The following SLC7A7 variants were observed in gnomAD, a reference collection of about 807,000 sequenced individuals.
SLC7A7 encodes the protein Y+L amino acid transporter 1.
Under a neutral mutation model 47.9 loss-of-function variants are expected in SLC7A7, and 39 were observed. That is an observed-to-expected ratio of 0.81 (90% CI 0.63 to 1.06). The LOEUF (loss-of-function observed/expected upper bound fraction) is 1.06. SLC7A7 is among the 50% of genes least tolerant of loss of function. SLC7A7 has a pLI of 0.00. For missense variants in SLC7A7, 588 were observed against 632.0 expected, an observed-to-expected ratio of 0.93 and a Z score of 0.75; for synonymous variants, 234 against 242.8, an observed-to-expected ratio of 0.96 and a Z score of 0.34.
At chr14:22,814,459 G>A (rs2039375934) in intron 1 of SLC7A7, among the ~76,000 whole-genome samples, 1 of 151,778 alleles carries the variant, frequency 6.6e-6, no homozygotes, top group Non-Finnish European at 1.5e-5. Context: ...ACTCCAGCCT[G>A]GGCAACAAGA....
chr14:22,816,744 G>A (rs1452870723), upstream of SLC7A7, among the ~76,000 whole-genome samples: 1 of 151,926 alleles, frequency 6.6e-6, no homozygotes, highest in Non-Finnish European at 1.5e-5. Flanking sequence ...AACCCTCTTT[G>A]GTTATTCTAC....
At chr14:22,801,311 T>C (rs534622955) in intron 2 of SLC7A7, among the ~76,000 whole-genome samples, 1 of 152,282 alleles carries the variant, frequency 6.6e-6, no homozygotes, top group Admixed American at 6.5e-5. Flanking sequence ...TAGGTTTTCA[T>C]ACATTCTGTT....
intron 4 of SLC7A7, among the ~76,000 whole-genome samples, 194 bp from the exon 5 acceptor site, chr14:22,776,512 T>C (rs984747718): frequency 3.3e-5 from 5 of 152,052 alleles, no homozygotes; most frequent in African/African-American, 1.2e-4. Flanking sequence ...TAAAGAACAT[T>C]AGGGGAAAGG....
At chr14:22,779,471 G>A (rs78324567) in intron 3 of SLC7A7, among the ~76,000 whole-genome samples, 60 of 151,010 alleles carry the variant, frequency 4.0e-4, no homozygotes, top group Non-Finnish European at 7.5e-4. Flanking sequence ...TTTTTTGGGG[G>A]GGGGACAGAG....
At chr14:22,793,551 C>G (rs1326685825) in intron 2 of SLC7A7, among the ~76,000 whole-genome samples, 1 of 152,110 alleles carries the variant, frequency 6.6e-6, no homozygotes, top group Non-Finnish European at 1.5e-5. Context: ...GTGGCTCATG[C>G]CTGTAATCCC....
intron 2 of SLC7A7, among the ~76,000 whole-genome samples, chr14:22,807,121 A>G (rs902679398): frequency 3.3e-5 from 5 of 151,988 alleles, no homozygotes; most frequent in Admixed American, 6.6e-5. Context: ...GGATGGTCTC[A>G]ATCTCCTGAC....
intron 2 of SLC7A7, among the ~76,000 whole-genome samples, chr14:22,788,135 C>T (rs928158004): frequency 6.6e-6 from 1 of 152,126 alleles, no homozygotes; most frequent in African/African-American, 2.4e-5. Context: ...TCACTGTAGA[C>T]CTTTCTGTAT....
chr14:22,818,178 G>A (rs757773289), upstream of SLC7A7, among the ~76,000 whole-genome samples: 24 of 152,154 alleles, frequency 1.6e-4, no homozygotes, highest in Non-Finnish European at 3.1e-4. Flanking sequence ...GGAGAGAGAA[G>A]TGTACAGGGT....
intron 2 of SLC7A7, among the ~76,000 whole-genome samples, chr14:22,804,890 C>T (rs1300449974): frequency 1.3e-5 from 2 of 152,052 alleles, no homozygotes; most frequent in Non-Finnish European, 2.9e-5. Flanking sequence ...GCCTGTTATC[C>T]CAGCTACTCA....
chr14:22,773,405 T>G lies in SLC7A7; in HGVS notation c.*205A>C, dbSNP rs574414124. 9.1e-6 allele frequency: 6 copies of G among 657,196 alleles called. No individual in the cohort carries two copies. Among genetic ancestry groups the G allele is most frequent in the Admixed American group, 4.1e-5 (2 of 48,442 alleles). The allele number at this position is 657,196 out of a possible 1,614,324, so 40.7% of individuals were successfully genotyped here. ...ATGCTCCTCCCCACAGTCACCTTCA[T>G]TGTCCCCTTTAAAAGTCTGGAACAG... On this transcript the variant is annotated 3_prime_UTR_variant, in exon 10 of 10. Transcript: ENST00000674313.
intron 2 of SLC7A7, among the ~76,000 whole-genome samples, chr14:22,784,658 G>C (rs182008053): frequency 8.6e-5 from 13 of 151,514 alleles, no homozygotes; most frequent in Middle Eastern, 3.4e-3. Flanking sequence ...CATCTAAAAA[G>C]ATGTTCCTGA....
intron 2 of SLC7A7, 23 bp from the exon 3 acceptor site, chr14:22,780,074 T>A: frequency 6.2e-7 from 1 of 1,613,562 alleles, no homozygotes; most frequent in Non-Finnish European, 8.5e-7. Context: ...TAATACTGAT[T>A]GGTGACTTAC....
intron 2 of SLC7A7, among the ~76,000 whole-genome samples, chr14:22,794,921 T>C (rs1041975343): frequency 1.3e-5 from 2 of 152,110 alleles, no homozygotes; most frequent in East Asian, 3.9e-4. Flanking sequence ...TTCCCACCTC[T>C]AGTGACACAA....
chr14:22,782,465 T>TTTA (rs1555321916), intron 2 of SLC7A7, among the ~76,000 whole-genome samples: 168 of 150,222 alleles, frequency 1.1e-3, no homozygotes, highest in African/African-American at 4.0e-3. Flanking sequence ...TATTTATTTA[T>TTTA]TTTATTTATT....
At chr14:22,814,028 TA>T (rs2039368524) in intron 1 of SLC7A7, among the ~76,000 whole-genome samples, 1 of 150,884 alleles carries the variant, frequency 6.6e-6, no homozygotes, top group Non-Finnish European at 1.5e-5. Context: ...GACCTCAGGT[TA>T]TCCGCCCGCC....
chr14:22,798,982 G>A (rs1309487029), intron 2 of SLC7A7, among the ~76,000 whole-genome samples: 1 of 152,072 alleles, frequency 6.6e-6, no homozygotes, highest in East Asian at 1.9e-4. Flanking sequence ...GCAGAGAGTG[G>A]ATAACAGTTA....
chr14:22,774,569 T>G, intron 7 of SLC7A7, 66 bp from the exon 8 acceptor site: 1 of 1,603,384 alleles, frequency 6.2e-7, no homozygotes, highest in African/African-American at 1.3e-5. Context: ...TTTCACTCCC[T>G]TTATACCCCA....
chr14:22,775,479 C>A lies in SLC7A7; in HGVS notation c.1060G>T (p.Glu354Ter). ...AGAGAAGGCACTGGTGTGAACCGCT[C>A]AACATGGATCATGCAGATGGCATCA... is the stretch of plus-strand genomic sequence containing the variant. ...LPDAICMIHV[E>*]RFTPVPSLLF... Residue 354 changes from glutamate to a stop codon, truncating the protein, a stop_gained, in exon 7 of 10, where the codon GAG becomes TAG. Transcript: ENST00000674313. LOFTEE classifies it high-confidence loss of function. 6.2e-7 allele frequency: 1 copy of A among 1,614,158 alleles called. No homozygotes were observed. The highest frequency in any genetic ancestry group is 1.1e-5 in the South Asian group (1 of 91,074).
chr14:22,806,961 G>A (rs1387565054), intron 2 of SLC7A7, among the ~76,000 whole-genome samples: 4 of 147,814 alleles, frequency 2.7e-5, no homozygotes, highest in Admixed American at 1.4e-4. Context: ...GCAGTGGCGC[G>A]ATCTGGGCTC....
Sources: gnomAD v4.1 joint callset for allele counts (sites outside exome capture counted in the v4.1 genomes callset) on GRCh38, gnomAD v4.1.1 for gene constraint, MANE v1.5 for transcripts, NCBI Gene and HGNC (gene_info 2026-07-23, HGNC 2026-07-21) for gene names.